The following ADCY2 variants were observed in gnomAD, a reference collection of about 807,000 sequenced individuals.
The protein encoded by ADCY2 is adenylate cyclase 2, also known as adenylate cyclase type 2.
In ADCY2, 31 loss-of-function variants were observed where a neutral mutation model predicts 125.2. The observed-to-expected ratio is 0.25, with a 90% CI of 0.19 to 0.33. The LOEUF is 0.33. ADCY2 is among the 10% of genes least tolerant of loss of function. The probability of loss-of-function intolerance (pLI) is 1.00; values close to 1 mark genes in which losing one functional copy is unlikely to be tolerated. For missense variants in ADCY2, 904 were observed against 1,418.2 expected, an observed-to-expected ratio of 0.64 and a Z score of 5.82; for synonymous variants, 512 against 548.4, an observed-to-expected ratio of 0.93 and a Z score of 0.93.
intron 3 of ADCY2, among the ~76,000 whole-genome samples, chr5:7,560,017 A>C (rs1316915619): frequency 6.6e-6 from 1 of 152,250 alleles, no homozygotes; most frequent in Non-Finnish European, 1.5e-5. Flanking sequence ...TAGGAAAGTG[A>C]ATAATCAGTT....
Position 7,486,991 on chromosome 5 carries a change from A to G in ADCY2, c.409-33747A>G, listed in dbSNP as rs570675571. Reference sequence around the variant, plus strand: ...AACATGCCTCTGGGGACCAGACACCATGCTAAGGTGGCAGTGTCATGGACA... The same window carrying G: ...AACATGCCTCTGGGGACCAGACACCGTGCTAAGGTGGCAGTGTCATGGACA... On this transcript the variant is annotated intron_variant, in intron 2 of 24. Coordinates refer to ENST00000338316, the MANE Select transcript of ADCY2 (RefSeq NM_020546.3). Among the ~76,000 whole-genome samples the G allele has an allele frequency of 5.3e-5, 8 of 152,312 alleles. No homozygotes were observed. In the South Asian group the frequency reaches 1.2e-3, roughly 24 times the overall value.
chr5:7,710,596 G>T (rs771648523), intron 10 of ADCY2, among the ~76,000 whole-genome samples: 40 of 152,264 alleles, frequency 2.6e-4, no homozygotes, highest in Middle Eastern at 6.8e-3. Context: ...AGTGAGTGTG[G>T]TGTCCCCTGG....
chr5:7,774,244 C>T (rs971552157), intron 18 of ADCY2, among the ~76,000 whole-genome samples: 22 of 152,152 alleles, frequency 1.4e-4, no homozygotes, highest in Non-Finnish European at 2.9e-4. Context: ...ATCTTCCACA[C>T]GATGAAACTC....
At chr5:7,816,835 C>T in intron 22 of ADCY2, 31 bp from the exon 23 acceptor site, 1 of 1,578,566 alleles carries the variant, frequency 6.3e-7, no homozygotes, top group Non-Finnish European at 8.7e-7. Context: ...GATGCTCTAA[C>T]TTCCATCTGC....
chr5:7,601,770 C>T lies in ADCY2; in HGVS notation c.571-24397C>T, dbSNP rs574942789. ...CATCCTTCCTTAGGTGTCATGCCTT[C>T]CTGCATTTCCCTCCTGCTCCCTCAG... On this transcript the variant is annotated intron_variant, in intron 3 of 24. Coordinates refer to ENST00000338316, the MANE Select transcript of ADCY2 (RefSeq NM_020546.3). Among the ~76,000 whole-genome samples the T allele has an allele frequency of 2.0e-5, 3 of 152,336 alleles. No homozygotes were observed. In the South Asian group the frequency reaches 6.2e-4, roughly 32 times the overall value.
rs535961944 is a variant in ADCY2, at chr5:7,748,150, G to A, written c.1956+4398G>A. Among the ~76,000 whole-genome samples the A allele has an allele frequency of 2.6e-5, 4 of 152,230 alleles. No individual in the cohort carries two copies. In the South Asian group the frequency reaches 8.3e-4, roughly 32 times the overall value. ...ATAGCAGCCCCTTCATCTCACCATT[G>A]CCAGCTATTCTCAGGCAGAGAAATA... is the stretch of plus-strand genomic sequence containing the variant. On this transcript the variant is annotated intron_variant, in intron 15 of 24. Coordinates refer to ENST00000338316, the MANE Select transcript of ADCY2 (RefSeq NM_020546.3).
At chr5:7,569,435 C>A (rs972846546) in intron 3 of ADCY2, among the ~76,000 whole-genome samples, 8 of 152,076 alleles carry the variant, frequency 5.3e-5, no homozygotes, top group African/African-American at 1.4e-4. Context: ...ATTATGGGCA[C>A]TAAAGAGATA....
chr5:7,434,518 T>A (rs1740723151), intron 2 of ADCY2, among the ~76,000 whole-genome samples: 1 of 152,230 alleles, frequency 6.6e-6, no homozygotes, highest in Non-Finnish European at 1.5e-5. Context: ...GGATATGACA[T>A]GGATACTTCT....
At chr5:7,672,838 C>T (rs1739979314) in intron 4 of ADCY2, among the ~76,000 whole-genome samples, 1 of 152,100 alleles carries the variant, frequency 6.6e-6, no homozygotes, top group Non-Finnish European at 1.5e-5. Context: ...GGCAGAGAGG[C>T]CATGGTGCTC....
chr5:7,721,300 C>T (rs962171320), intron 12 of ADCY2, among the ~76,000 whole-genome samples: 1 of 152,092 alleles, frequency 6.6e-6, no homozygotes, highest in Non-Finnish European at 1.5e-5. Flanking sequence ...GATATTAGCC[C>T]TTTGTCAGAT....
chr5:7,531,301 C>A, intron 3 of ADCY2, among the ~76,000 whole-genome samples: 1 of 152,218 alleles, frequency 6.6e-6, no homozygotes, highest in East Asian at 1.9e-4. Context: ...CTAACTCTGA[C>A]CAGCTTCATG....
Position 7,446,378 on chromosome 5 carries a change from A to G in ADCY2, c.408+31608A>G, listed in dbSNP as rs189553460. 2.6e-5 allele frequency among the ~76,000 whole-genome samples: 4 copies of G among 152,292 alleles called. No homozygotes were observed. The East Asian group carries it at 7.7e-4, about 29-fold the overall frequency. On this transcript the variant is annotated intron_variant, in intron 2 of 24. Coordinates refer to ENST00000338316, the MANE Select transcript of ADCY2 (RefSeq NM_020546.3). ...CTAAATTTCATGATGTGTGATATCA[A>G]ATTCTAACTTCAGATTATATTTTAT...
chr5:7,688,883 T>C (rs563210413), intron 4 of ADCY2, among the ~76,000 whole-genome samples: 1 of 152,224 alleles, frequency 6.6e-6, no homozygotes, highest in Admixed American at 6.5e-5. Context: ...TGATTACCTT[T>C]AGAGTTTCCC....
chr5:7,669,905 C>T (rs1347133737), intron 4 of ADCY2, among the ~76,000 whole-genome samples: 1 of 152,150 alleles, frequency 6.6e-6, no homozygotes, highest in Non-Finnish European at 1.5e-5. Flanking sequence ...GATACTGTAG[C>T]TCTGCCACCC....
intron 4 of ADCY2, among the ~76,000 whole-genome samples, chr5:7,650,883 GC>G (rs1370361193): frequency 6.6e-6 from 1 of 152,162 alleles, no homozygotes; most frequent in Admixed American, 6.5e-5. Flanking sequence ...TAGGGCGGTT[GC>G]CCAGGGAGTA....
At chr5:7,472,753 A>C (rs1742386007) in intron 2 of ADCY2, among the ~76,000 whole-genome samples, 1 of 152,050 alleles carries the variant, frequency 6.6e-6, no homozygotes, top group African/African-American at 2.4e-5. Context: ...TTGTCTTGCA[A>C]TTTCAGTACA....
In ADCY2 at chr5:7,581,253, T is replaced by A. The variant is rs151003240; in HGVS notation, c.571-44914T>A. Among the ~76,000 whole-genome samples, 325 of 152,290 alleles carry A rather than the reference T, an allele frequency of 2.1e-3. 3 individuals are homozygous for A. Among genetic ancestry groups the A allele is most frequent in the African/African-American group, 7.5e-3 (311 of 41,558 alleles). ...CATCATATTGAAAAATTTGTAATAT[T>A]TGCATTGTAATACATGACAGGGATA... On this transcript the variant is annotated intron_variant, in intron 3 of 24. Coordinates refer to ENST00000338316, the MANE Select transcript of ADCY2 (RefSeq NM_020546.3).
At chr5:7,581,981 G>A (rs73048164) in intron 3 of ADCY2, among the ~76,000 whole-genome samples, 4,269 of 152,170 alleles carry the variant, frequency 0.028, 187 homozygotes, top group African/African-American at 0.097. Flanking sequence ...ACTAAAAGAT[G>A]ATATTTTCAA....
intron 18 of ADCY2, among the ~76,000 whole-genome samples, chr5:7,779,459 T>G (rs1382742583): frequency 6.6e-6 from 1 of 152,162 alleles, no homozygotes; most frequent in Non-Finnish European, 1.5e-5. Context: ...CAGATCGCTC[T>G]GAGGTAGCAG....
Sources: gnomAD v4.1 joint callset for allele counts (sites outside exome capture counted in the v4.1 genomes callset) on GRCh38, gnomAD v4.1.1 for gene constraint, MANE v1.5 for transcripts, NCBI Gene and HGNC (gene_info 2026-07-23, HGNC 2026-07-21) for gene names.